Variants in SHISA9 observed in about 807,000 individuals in gnomAD.
SHISA9 encodes shisa family member 9.
In SHISA9, 13 loss-of-function variants were observed where a neutral mutation model predicts 38.0. The observed-to-expected ratio is 0.34, with a 90% CI of 0.22 to 0.54. SHISA9 has a LOEUF of 0.54. Among genes scored for constraint, SHISA9 ranks in the 20% least tolerant of loss-of-function variants. The pLI is 0.91. For missense variants in SHISA9, 538 were observed against 575.8 expected (o/e 0.93, Z 0.67); for synonymous variants, 275 against 242.0 (o/e 1.14, Z -1.27).
intron 2 of SHISA9, among the ~76,000 whole-genome samples, chr16:13,147,018 A>G (rs997921881): frequency 4.6e-5 from 7 of 152,132 alleles, no homozygotes; most frequent in African/African-American, 1.7e-4. Flanking sequence ...GAATGAGTGA[A>G]TGAATGAATG....
At chr16:13,431,163 C>G in the SHISA9 span, among the ~76,000 whole-genome samples, 1 of 152,156 alleles carries the variant, frequency 6.6e-6, no homozygotes, top group Non-Finnish European at 1.5e-5. Flanking sequence ...AATTCAGCTC[C>G]TTGAATTTGA....
chr16:13,114,489 G>T (rs1475531268), intron 2 of SHISA9, among the ~76,000 whole-genome samples: 4 of 121,048 alleles, frequency 3.3e-5, no homozygotes, highest in Non-Finnish European at 5.2e-5. Context: ...AAAAAAAAAA[G>T]ACGAAAAATA....
At chr16:13,062,581 T>G (rs909636756) in intron 2 of SHISA9, among the ~76,000 whole-genome samples, 16 of 152,174 alleles carry the variant, frequency 1.1e-4, no homozygotes, top group African/African-American at 3.9e-4. Flanking sequence ...TTTGATTAGT[T>G]GAGGGTGTGA....
intron 2 of SHISA9, among the ~76,000 whole-genome samples, chr16:12,924,152 C>T (rs1377401985): frequency 6.6e-6 from 1 of 152,052 alleles, no homozygotes; most frequent in Non-Finnish European, 1.5e-5. Flanking sequence ...AGTGGGGTGG[C>T]GTGCATTTTA....
intron 2 of SHISA9, among the ~76,000 whole-genome samples, chr16:13,045,332 T>G (rs1250211548): frequency 6.6e-6 from 1 of 152,196 alleles, no homozygotes; most frequent in African/African-American, 2.4e-5. Flanking sequence ...ATGACTAGTT[T>G]GATCAGGGTC....
chr16:13,483,652 T>C, the SHISA9 span, among the ~76,000 whole-genome samples: 13 of 152,048 alleles, frequency 8.5e-5, no homozygotes, highest in Admixed American at 2.0e-4. Context: ...GTCTTTCTGA[T>C]TGTGGGTCTT....
At chr16:13,278,395 T>C in the SHISA9 span, among the ~76,000 whole-genome samples, 3 of 152,060 alleles carry the variant, frequency 2.0e-5, no homozygotes, top group East Asian at 5.8e-4. Context: ...GTTACGTCCT[T>C]TCCTGGTTTT....
chr16:13,023,956 A>G (rs1220664935), intron 2 of SHISA9, among the ~76,000 whole-genome samples: 1 of 152,262 alleles, frequency 6.6e-6, no homozygotes, highest in Admixed American at 6.5e-5. Flanking sequence ...AACACATTGT[A>G]GGATATGATT....
intron 3 of SHISA9, among the ~76,000 whole-genome samples, chr16:13,208,924 T>C (rs1341820042): frequency 6.6e-6 from 1 of 152,140 alleles, no homozygotes; most frequent in Non-Finnish European, 1.5e-5. Flanking sequence ...AAGCACCTTA[T>C]CTAGCCTGAG....
the SHISA9 span, among the ~76,000 whole-genome samples, chr16:13,533,488 C>A: frequency 0.099 from 15,041 of 152,100 alleles, 922 homozygotes; most frequent in East Asian, 0.19. Flanking sequence ...GTCTTCTCTC[C>A]CAACCTCCAA....
At chr16:13,289,352 G>C in the SHISA9 span, among the ~76,000 whole-genome samples, 1 of 109,882 alleles carries the variant, frequency 9.1e-6, no homozygotes, top group Non-Finnish European at 1.7e-5. Flanking sequence ...CTGGCACTCA[G>C]TTTTGGTTGG....
At chr16:13,316,015 TAAA>T in the SHISA9 span, among the ~76,000 whole-genome samples, 1 of 146,608 alleles carries the variant, frequency 6.8e-6, no homozygotes, top group East Asian at 2.0e-4. Context: ...TCATTACAAT[TAAA>T]AAAAAAAAGA....
chr16:13,461,714 C>T, the SHISA9 span, among the ~76,000 whole-genome samples: 13 of 148,228 alleles, frequency 8.8e-5, no homozygotes, highest in African/African-American at 1.7e-4. Flanking sequence ...CCCAGGTTCA[C>T]GCCATTCTCC....
the SHISA9 span, among the ~76,000 whole-genome samples, chr16:13,290,194 T>C: frequency 6.6e-6 from 1 of 152,172 alleles, no homozygotes; most frequent in South Asian, 2.1e-4. Flanking sequence ...GTATTGTACA[T>C]GTAGCAATAA....
At chr16:13,185,872 G>A (rs1206038088) in intron 2 of SHISA9, among the ~76,000 whole-genome samples, 1 of 152,186 alleles carries the variant, frequency 6.6e-6, no homozygotes, top group Non-Finnish European at 1.5e-5. Flanking sequence ...AAAATAAAAT[G>A]GCTAGGTTGT....
At chr16:13,035,884 G>A (rs2073054270) in intron 2 of SHISA9, among the ~76,000 whole-genome samples, 2 of 151,960 alleles carry the variant, frequency 1.3e-5, no homozygotes, top group African/African-American at 2.4e-5. Context: ...ATATATATAC[G>A]GTCAATAAGT....
the SHISA9 span, among the ~76,000 whole-genome samples, chr16:13,502,705 T>A: frequency 6.6e-6 from 1 of 151,966 alleles, no homozygotes; most frequent in Admixed American, 6.6e-5. Flanking sequence ...TGAAACCCCA[T>A]CTCTACTAAA....
At chr16:13,550,917 T>A in the SHISA9 span, among the ~76,000 whole-genome samples, 1 of 151,890 alleles carries the variant, frequency 6.6e-6, no homozygotes, top group Non-Finnish European at 1.5e-5. Flanking sequence ...AGGTCAGGCG[T>A]TCGAGACCAG....
the SHISA9 span, among the ~76,000 whole-genome samples, chr16:13,488,586 T>A: frequency 1.3e-5 from 2 of 152,220 alleles, no homozygotes; most frequent in East Asian, 3.8e-4. Flanking sequence ...CTGCCTACAG[T>A]ATTTCATATG....
Sources: allele counts gnomAD v4.1 joint callset (sites outside exome capture counted in the v4.1 genomes callset), GRCh38; gene constraint gnomAD v4.1.1; transcripts MANE v1.5; gene names NCBI Gene and HGNC (gene_info 2026-07-23, HGNC 2026-07-21).